Variants in KCNC1 observed in about 807,000 individuals in gnomAD.
The protein encoded by KCNC1 is voltage-gated potassium channel KCNC1.
In KCNC1, 8 loss-of-function variants were observed where a neutral mutation model predicts 43.4. That is an observed-to-expected ratio of 0.18 (90% CI 0.11 to 0.33). KCNC1 has a LOEUF of 0.33. Ranked by LOEUF, KCNC1 falls within the 10% of genes least tolerant of loss-of-function variation. The pLI is 1.00. For missense variants in KCNC1, 420 were observed against 836.0 expected (o/e 0.50, Z 6.14); for synonymous variants, 361 against 360.5 (o/e 1.00, Z -0.01).
At chr11:17,775,010 T>A (rs1849269461) in intron 2 of KCNC1, 17 of 985,186 alleles carry the variant, frequency 1.7e-5, no homozygotes, top group Non-Finnish European at 2.0e-5. Context: ...GTTCTTCCCA[T>A]TCACCTTTTT....
intron 1 of KCNC1, among the ~76,000 whole-genome samples, chr11:17,741,843 C>T (rs528192239): frequency 1.3e-5 from 2 of 152,212 alleles, no homozygotes; most frequent in South Asian, 2.1e-4. Flanking sequence ...CCTTCTGGAG[C>T]GCTCTTTCCT....
chr11:17,775,435 C>T, intron 2 of KCNC1: 1 of 985,574 alleles, frequency 1.0e-6, no homozygotes, highest in South Asian at 4.7e-5. Context: ...GCCTCAGTGT[C>T]TGAGGGCTTG....
intron 1 of KCNC1, among the ~76,000 whole-genome samples, chr11:17,766,477 C>A (rs1479100782): frequency 6.6e-6 from 1 of 152,158 alleles, no homozygotes; most frequent in Non-Finnish European, 1.5e-5. Context: ...TGTGACCCTA[C>A]AGCCCCGGGG....
In KCNC1 at chr11:17,779,407, C is replaced by A. The variant is rs927095758; in HGVS notation, c.1505-49C>A. ...TTCTGGCCTGTCCCCCCCTGCCCCC[C>A]ACTAAACAGTTTTCAGTGTCTCAAT... On this transcript the variant is annotated intron_variant, in intron 2 of 3. Coordinates refer to ENST00000265969, the MANE Select transcript of KCNC1 (RefSeq NM_001112741.2). This position sits in a 1 kb window ranked among gnomAD's most constrained non-coding sequence, Gnocchi z 7.2. The A allele has an allele frequency of 5.0e-6, 7 of 1,409,018 alleles. No homozygotes were observed. The highest frequency in any genetic ancestry group is 1.6e-5 in the South Asian group (1 of 63,164). The allele number at this position is 1,409,018 out of a possible 1,614,324, so 87.3% of individuals were successfully genotyped here.
rs79708217 is a variant in KCNC1, at chr11:17,748,371, A to G, written c.570+11799A>G. Among the ~76,000 whole-genome samples, 1,438 of 152,206 alleles carry G rather than the reference A, an allele frequency of 9.4e-3. 19 individuals are homozygous for G. Among genetic ancestry groups the G allele is most frequent in the African/African-American group, 0.033 (1,362 of 41,526 alleles). ...GGGGCTGGGCTCGGAGTCAAAGGAC[A>G]GTGGTATATCAGAAGGGGTGGTGCT... On this transcript the variant is annotated intron_variant, in intron 1 of 3. Transcript: ENST00000265969.
intron 1 of KCNC1, among the ~76,000 whole-genome samples, chr11:17,762,258 C>T (rs935043031): frequency 1.3e-5 from 2 of 152,290 alleles, no homozygotes; most frequent in East Asian, 1.9e-4. Flanking sequence ...GTGCCTCAAA[C>T]TCCCAGGCAC....
chr11:17,782,843 T>C lies in KCNC1; in HGVS notation c.*1109T>C, dbSNP rs1849362016. 6.6e-6 allele frequency: 1 copy of C among 151,884 alleles called. No homozygotes were observed. The highest frequency in any genetic ancestry group is 2.4e-5 in the African/African-American group (1 of 41,336). 9.4% of individuals were successfully genotyped at this position (151,884 alleles called of 1,614,324 possible). A position where few individuals can be genotyped will look rare whatever the true frequency, so the allele number is the denominator to read the frequency against. Reference sequence around the variant, plus strand: ...TTTTCCCAACAGAAACAGAGGACAGTAGCTTGGCTTTGGTCTGATTCTAAA... The same window carrying C: ...TTTTCCCAACAGAAACAGAGGACAGCAGCTTGGCTTTGGTCTGATTCTAAA... On this transcript the variant is annotated 3_prime_UTR_variant, in exon 4 of 4. Coordinates refer to ENST00000265969, the MANE Select transcript of KCNC1 (RefSeq NM_001112741.2).
intron 1 of KCNC1, among the ~76,000 whole-genome samples, chr11:17,754,568 AAG>A (rs1849004012): frequency 6.6e-6 from 1 of 152,340 alleles, no homozygotes; most frequent in South Asian, 2.1e-4. Flanking sequence ...GGAGTGAGGC[AAG>A]TGGACATAGG....
In KCNC1 at chr11:17,736,947, TTG is replaced by T. The variant is rs1303253585; in HGVS notation, c.570+379_570+380del. 6.6e-6 allele frequency among the ~76,000 whole-genome samples: 1 copy of T among 152,116 alleles called. No homozygotes were observed. The highest frequency in any genetic ancestry group is 1.5e-5 in the Non-Finnish European group (1 of 68,014). On this transcript the variant is annotated intron_variant, in intron 1 of 3. Coordinates refer to ENST00000265969, the MANE Select transcript of KCNC1 (RefSeq NM_001112741.2). This position sits in a 1 kb window ranked among gnomAD's most constrained non-coding sequence, Gnocchi z 9.3. ...TGCATGAGCGCCTGCCCGTGAACAT[TTG>T]TGTCTTTGCAGAGGTGCACTGTCAA...
chr11:17,781,923 C>A lies in KCNC1; in HGVS notation c.*189C>A, dbSNP rs1849350190. On this transcript the variant is annotated 3_prime_UTR_variant, in exon 4 of 4. Transcript: ENST00000265969. The surrounding 1 kb of genome is among the most constrained non-coding windows in gnomAD (Gnocchi z 5.1). ...AATGGTAACTGACCGTAGAGGATTTCTTTTCCTTCTTTTCATTTTTTAAAA... is the reference window on the plus strand; with the variant it reads ...AATGGTAACTGACCGTAGAGGATTTATTTTCCTTCTTTTCATTTTTTAAAA... The A allele has an allele frequency of 2.2e-6, 1 of 448,370 alleles. No homozygotes were observed. Among genetic ancestry groups the A allele is most frequent in the Non-Finnish European group, 3.9e-6 (1 of 254,494 alleles). The allele number at this position is 448,370 out of a possible 1,614,324, so 27.8% of individuals were successfully genotyped here. A position where few individuals can be genotyped will look rare whatever the true frequency, so the allele number is the denominator to read the frequency against.
Position 17,736,514 on chromosome 11 carries a change from G to T in KCNC1, c.512G>T (p.Arg171Leu), listed in dbSNP as rs774525216. 3.2e-6 allele frequency: 5 copies of T among 1,585,750 alleles called. No homozygotes were observed. The highest frequency in any genetic ancestry group is 4.3e-6 in the Non-Finnish European group (5 of 1,173,204). ...PDGRPGGFWR[R>L]WQPRIWALFE... Reference sequence around the variant, plus strand: ...GGCCGGCCTGGCGGCTTTTGGCGCCGCTGGCAGCCGCGCATCTGGGCGCTC... The same window carrying T: ...GGCCGGCCTGGCGGCTTTTGGCGCCTCTGGCAGCCGCGCATCTGGGCGCTC... The change falls in exon 1 of 4, where the codon CGC (arginine) becomes CTC (leucine). Residue 171 changes from arginine (R) to leucine (L), a missense_variant. Arg to Leu is a moderately radical substitution (Grantham distance 102). Transcript: ENST00000265969. The surrounding 1 kb of genome is among the most constrained non-coding windows in gnomAD (Gnocchi z 9.3).
At chr11:17,762,066 C>T (rs536378670) in intron 1 of KCNC1, among the ~76,000 whole-genome samples, 3 of 152,342 alleles carry the variant, frequency 2.0e-5, no homozygotes, top group African/African-American at 7.2e-5. Context: ...CCTCCGGCCC[C>T]ATCCCACGGG....
At position 17,736,715 on chromosome 11, in the gene KCNC1, G is replaced by A. The variant is rs965159699; in HGVS notation, c.570+143G>A. On this transcript the variant is annotated intron_variant, in intron 1 of 3. Transcript: ENST00000265969. The surrounding 1 kb of genome is among the most constrained non-coding windows in gnomAD (Gnocchi z 9.3). ...GTGTGCGCATGTGTGCACGTACCAG[G>A]GTAAGAGAGGAAGGGTGTCCGCCGG... The A allele has an allele frequency of 9.5e-6, 13 of 1,371,772 alleles. No homozygotes were observed. The highest frequency in any genetic ancestry group is 1.2e-5 in the Non-Finnish European group (13 of 1,049,080). 85.0% of individuals were successfully genotyped at this position (1,371,772 alleles called of 1,614,324 possible).
At chr11:17,758,642 T>G (rs1849045472) in intron 1 of KCNC1, among the ~76,000 whole-genome samples, 1 of 152,242 alleles carries the variant, frequency 6.6e-6, no homozygotes. Context: ...GAGAACAACA[T>G]TCATCTCCTT....
chr11:17,749,207 C>T (rs1848937525), intron 1 of KCNC1, among the ~76,000 whole-genome samples: 2 of 152,242 alleles, frequency 1.3e-5, no homozygotes, highest in Non-Finnish European at 2.9e-5. Flanking sequence ...GTCCCTACTT[C>T]AAAGGGCTGC....
chr11:17,778,032 C>T lies in KCNC1; in HGVS notation c.1505-1424C>T, dbSNP rs148668687. Among the ~76,000 whole-genome samples the T allele has an allele frequency of 2.4e-3, 363 of 152,324 alleles. 1 individual carries two copies. The highest frequency in any genetic ancestry group is 0.01 in the Middle Eastern group (3 of 294). The stretch of plus-strand genomic sequence containing the variant: ...TACTCTTTCAGAGAGCCTCCCCTGA[C>T]GTGGTCGTGCCCAAGTTGGTTTCCC... On this transcript the variant is annotated intron_variant, in intron 2 of 3. Transcript: ENST00000265969.
At position 17,781,190 on chromosome 11, in the gene KCNC1, G is replaced by A. The variant is rs1205643809; in HGVS notation, c.1694-480G>A. On this transcript the variant is annotated intron_variant, in intron 3 of 3. Transcript: ENST00000265969. The surrounding 1 kb of genome is among the most constrained non-coding windows in gnomAD (Gnocchi z 5.1). The stretch of plus-strand genomic sequence containing the variant: ...TCTTTACTGTGGTGCCAGAAGCACA[G>A]AAGGGAGTGTGGGACAGGAACAGCG... 1.3e-5 allele frequency: 2 copies of A among 153,782 alleles called. No homozygotes were observed. The highest frequency in any genetic ancestry group is 2.9e-5 in the Non-Finnish European group (2 of 69,132). 9.5% of individuals were successfully genotyped at this position (153,782 alleles called of 1,614,324 possible).
Position 17,781,228 on chromosome 11 carries a change from G to A in KCNC1, c.1694-442G>A, listed in dbSNP as rs1849341883. The A allele has an allele frequency of 6.2e-6, 1 of 162,568 alleles. No individual in the cohort carries two copies. Among genetic ancestry groups the A allele is most frequent in the African/African-American group, 2.4e-5 (1 of 41,750 alleles). The allele number at this position is 162,568 out of a possible 1,614,324, so 10.1% of individuals were successfully genotyped here. A position where few individuals can be genotyped will look rare whatever the true frequency, so the allele number is the denominator to read the frequency against. On this transcript the variant is annotated intron_variant, in intron 3 of 3. Coordinates refer to ENST00000265969, the MANE Select transcript of KCNC1 (RefSeq NM_001112741.2). The surrounding 1 kb of genome is among the most constrained non-coding windows in gnomAD (Gnocchi z 5.1). ...GACAGGAACAGCGCTGCTCCCTGCA[G>A]TGGCTGGGAGTCCAGCGGTAAGCAC...
intron 1 of KCNC1, among the ~76,000 whole-genome samples, chr11:17,755,940 A>G (rs1849017721): frequency 6.6e-6 from 1 of 152,160 alleles, no homozygotes; most frequent in Non-Finnish European, 1.5e-5. Context: ...GGGTGCCCCG[A>G]TAGAGACTGG....
Sources: gnomAD v4.1 joint callset for allele counts (sites outside exome capture counted in the v4.1 genomes callset) on GRCh38, gnomAD v4.1.1 for gene constraint, Gnocchi (gnomAD v3.1) non-coding constraint, MANE v1.5 for transcripts, NCBI Gene and HGNC (gene_info 2026-07-23, HGNC 2026-07-21) for gene names.